MPP7: variants seen among roughly 807,000 people sequenced by gnomAD.
MPP7 encodes MAGUK p55 subfamily member 7.
MPP7 carries 60 observed loss-of-function variants against 76.5 expected under a neutral mutation model. The ratio of observed to expected loss-of-function variants is 0.78; its 90% CI spans 0.64 to 0.97. The LOEUF (loss-of-function observed/expected upper bound fraction) is 0.97. Among genes scored for constraint, MPP7 ranks in the 50% least tolerant of loss-of-function variants. The pLI is 0.00. For missense variants in MPP7, 641 were observed against 694.0 expected, an observed-to-expected ratio of 0.92 and a Z score of 0.86; for synonymous variants, 237 against 244.5, an observed-to-expected ratio of 0.97 and a Z score of 0.29.
At chr10:28,293,955 G>C (rs902811477) in intron 1 of MPP7, among the ~76,000 whole-genome samples, 1 of 152,188 alleles carries the variant, frequency 6.6e-6, no homozygotes, top group African/African-American at 2.4e-5. Context: ...AGATCCCGCA[G>C]GTCTGCAGAA....
chr10:28,057,727 G>A (rs1851618635), intron 15 of MPP7: 4 of 1,271,628 alleles, frequency 3.1e-6, no homozygotes, highest in Non-Finnish European at 3.0e-6. Context: ...CCTGATTCTT[G>A]AAACACTTTT....
chr10:28,062,999 C>T (rs928821947), intron 13 of MPP7, among the ~76,000 whole-genome samples: 5 of 151,608 alleles, frequency 3.3e-5, no homozygotes, highest in Non-Finnish European at 7.4e-5. Context: ...AATTAGATTT[C>T]ATCAAAATTA....
chr10:28,169,028 G>C (rs978479525), intron 3 of MPP7, among the ~76,000 whole-genome samples: 1 of 152,016 alleles, frequency 6.6e-6, no homozygotes, highest in African/African-American at 2.4e-5. Context: ...GAGTTCTTTT[G>C]TTCCTTTGTT....
At chr10:28,177,199 G>A (rs1300691929) in intron 3 of MPP7, among the ~76,000 whole-genome samples, 4 of 146,056 alleles carry the variant, frequency 2.7e-5, no homozygotes, top group African/African-American at 7.6e-5. Flanking sequence ...GGCAGATCAT[G>A]AGGTCATGAG....
chr10:28,118,967 T>G, intron 11 of MPP7: 2 of 985,308 alleles, frequency 2.0e-6, no homozygotes, highest in African/African-American at 1.7e-5. Flanking sequence ...CCTAGAACCA[T>G]GAAACATCTA....
intron 2 of MPP7, among the ~76,000 whole-genome samples, chr10:28,237,336 A>C (rs1839110204): frequency 6.6e-6 from 1 of 152,194 alleles, no homozygotes; most frequent in South Asian, 2.1e-4. Context: ...ATAAAACCTA[A>C]AAAGAAGAAA....
rs1185785254 is a variant in MPP7 at position 28,214,583 on chromosome 10, AT to A, written c.38-12313del. 9.9e-5 allele frequency among the ~76,000 whole-genome samples: 15 copies of A among 152,174 alleles called. No homozygotes were observed. In the East Asian group the frequency reaches 2.5e-3, roughly 25 times the overall value. ...TGCCAGGCACTATGAAGGGCTGGAG[AT>A]GCCGTGACGATGAAACCGCCTTTGC... is the stretch of plus-strand genomic sequence containing the variant. On this transcript the variant is annotated intron_variant, in intron 2 of 16. Coordinates refer to ENST00000683449, the MANE Select transcript of MPP7 (RefSeq NM_001318170.2).
At chr10:28,233,056 T>C (rs1016272545) in intron 2 of MPP7, among the ~76,000 whole-genome samples, 1 of 152,206 alleles carries the variant, frequency 6.6e-6, no homozygotes, top group South Asian at 2.1e-4. Context: ...ACTATAAAGA[T>C]AGTATGGCAC....
At chr10:28,253,483 G>A (rs1277965710) in intron 1 of MPP7, among the ~76,000 whole-genome samples, 3 of 152,084 alleles carry the variant, frequency 2.0e-5, no homozygotes, top group Non-Finnish European at 4.4e-5. Flanking sequence ...ATCAGAAAGA[G>A]GAAAAATAAC....
At chr10:28,279,008 T>C (rs1840588499) in intron 1 of MPP7, among the ~76,000 whole-genome samples, 1 of 152,046 alleles carries the variant, frequency 6.6e-6, no homozygotes, top group African/African-American at 2.4e-5. Flanking sequence ...CCTGAATAAC[T>C]CCAGGGTGAA....
chr10:28,197,686 G>A (rs1231238687), intron 3 of MPP7, among the ~76,000 whole-genome samples: 1 of 152,064 alleles, frequency 6.6e-6, no homozygotes, highest in Non-Finnish European at 1.5e-5. Context: ...CACAGGCAAG[G>A]GATTGTGCCC....
At chr10:28,277,129 G>A (rs778289747) in intron 1 of MPP7, among the ~76,000 whole-genome samples, 3 of 152,000 alleles carry the variant, frequency 2.0e-5, no homozygotes, top group African/African-American at 4.8e-5. Context: ...CAAGGCTGCA[G>A]TAAGCCGTGA....
intron 1 of MPP7, among the ~76,000 whole-genome samples, chr10:28,298,745 CTG>C (rs1841087156): frequency 6.6e-6 from 1 of 152,210 alleles, no homozygotes; most frequent in Non-Finnish European, 1.5e-5. Flanking sequence ...CAATATAAGG[CTG>C]TTTCATCTAC....
chr10:28,099,352 C>T (rs186236598), intron 11 of MPP7, among the ~76,000 whole-genome samples: 1 of 152,264 alleles, frequency 6.6e-6, no homozygotes, highest in Admixed American at 6.5e-5. Flanking sequence ...TTTACATAAC[C>T]AACCTGGTCT....
At chr10:28,316,507 A>T (rs1485004444) in intron 2 of MPP7, among the ~76,000 whole-genome samples, 2 of 145,816 alleles carry the variant, frequency 1.4e-5, no homozygotes, top group Non-Finnish European at 3.0e-5. Flanking sequence ...TATGGACTTT[A>T]GTTGCTAACA....
chr10:28,084,403 A>G (rs1353543825), intron 12 of MPP7, among the ~76,000 whole-genome samples: 3 of 152,214 alleles, frequency 2.0e-5, no homozygotes, highest in Non-Finnish European at 4.4e-5. Context: ...GCAATAGGGG[A>G]AAAGCAAAAT....
At chr10:28,262,908 T>G (rs1229974327) in intron 1 of MPP7, among the ~76,000 whole-genome samples, 1 of 152,010 alleles carries the variant, frequency 6.6e-6, no homozygotes, top group East Asian at 1.9e-4. Flanking sequence ...ATAAAAAAAT[T>G]AGCCAGGAGA....
chr10:28,214,460 C>T (rs1374812631), intron 2 of MPP7, among the ~76,000 whole-genome samples: 1 of 152,138 alleles, frequency 6.6e-6, no homozygotes, highest in Non-Finnish European at 1.5e-5. Context: ...AGGCGTGTTT[C>T]GGAAGCTGGC....
intron 11 of MPP7, chr10:28,119,166 T>C (rs1361245568): frequency 1.7e-6 from 1 of 604,262 alleles, no homozygotes; most frequent in Non-Finnish European, 2.1e-6. Flanking sequence ...AGTCTGGTAA[T>C]AACTCCAAAG....
Sources: allele counts gnomAD v4.1 joint callset (sites outside exome capture counted in the v4.1 genomes callset), GRCh38; gene constraint gnomAD v4.1.1; transcripts MANE v1.5; gene names NCBI Gene and HGNC (gene_info 2026-07-23, HGNC 2026-07-21).